ARHGAP21: variants seen among roughly 807,000 people sequenced by gnomAD.
ARHGAP21 encodes the protein rho GTPase-activating protein 21.
In ARHGAP21, 38 loss-of-function variants were observed where a neutral mutation model predicts 164.6. The observed-to-expected ratio is 0.23, with a 90% CI of 0.18 to 0.30. ARHGAP21 has a LOEUF of 0.30. Ranked by LOEUF, ARHGAP21 falls within the 10% of genes least tolerant of loss-of-function variation. The probability of loss-of-function intolerance (pLI) is 1.00; values close to 1 mark genes in which losing one functional copy is unlikely to be tolerated. For synonymous variants in ARHGAP21, 766 were observed against 857.9 expected, an observed-to-expected ratio of 0.89 and a Z score of 1.87; for missense variants, 1,822 against 2,370.7, an observed-to-expected ratio of 0.77 and a Z score of 4.81.
intron 7 of ARHGAP21, among the ~76,000 whole-genome samples, chr10:24,627,942 C>T (rs2131283962): frequency 6.6e-6 from 1 of 152,280 alleles, no homozygotes; most frequent in East Asian, 1.9e-4. Flanking sequence ...GTACCTTCAC[C>T]TTGGCAAGGA....
chr10:24,677,213 C>A (rs1368628969), intron 2 of ARHGAP21, among the ~76,000 whole-genome samples: 1 of 152,194 alleles, frequency 6.6e-6, no homozygotes. Context: ...GAGCGAGACT[C>A]CGACTCTAAA....
At chr10:24,604,813 A>G (rs1488868574) in intron 11 of ARHGAP21, among the ~76,000 whole-genome samples, 1 of 152,174 alleles carries the variant, frequency 6.6e-6, no homozygotes, top group Non-Finnish European at 1.5e-5. Context: ...GGGAGGGCAC[A>G]GTTACAGACA....
At chr10:24,592,156 A>T (rs1035456080) in intron 21 of ARHGAP21, 144 bp from the exon 22 acceptor site, 22 of 213,706 alleles carry the variant, frequency 1.0e-4, no homozygotes, top group Middle Eastern at 1.3e-3. Context: ...TTCTAGCAAG[A>T]TTTTTTTTTT....
chr10:24,628,982 A>ATATATATATTATTTTTTT (rs1565054862), intron 7 of ARHGAP21: 1 of 11,632 alleles, frequency 8.6e-5, no homozygotes, highest in Non-Finnish European at 1.2e-4. Flanking sequence ...ATATATATAT[A>ATATATATATTATTTTTTT]TTTTTTTTTT....
chr10:24,612,082 A>T (rs1424758697), intron 9 of ARHGAP21, among the ~76,000 whole-genome samples: 2 of 152,178 alleles, frequency 1.3e-5, no homozygotes, highest in Non-Finnish European at 2.9e-5. Flanking sequence ...GCATATAATT[A>T]ATGTACTTTA....
At chr10:24,601,092 A>G (rs1262865239) in intron 13 of ARHGAP21, among the ~76,000 whole-genome samples, 162 bp from the exon 14 acceptor site, 1 of 152,206 alleles carries the variant, frequency 6.6e-6, no homozygotes, top group African/African-American at 2.4e-5. Flanking sequence ...GAAGGATAAA[A>G]ATTGTGGAGC....
At chr10:24,712,522 T>C (rs749811110) in intron 2 of ARHGAP21, among the ~76,000 whole-genome samples, 6 of 152,294 alleles carry the variant, frequency 3.9e-5, no homozygotes, top group Non-Finnish European at 8.8e-5. Flanking sequence ...TTACAATACC[T>C]AATACAATGT....
intron 4 of ARHGAP21, among the ~76,000 whole-genome samples, chr10:24,648,306 G>A (rs1259258555): frequency 1.3e-5 from 2 of 152,206 alleles, no homozygotes; most frequent in Non-Finnish European, 1.5e-5. Flanking sequence ...AATATGAGTA[G>A]AATTTTCCAG....
chr10:24,722,590 T>A (rs896290556), intron 1 of ARHGAP21: 3 of 152,340 alleles, frequency 2.0e-5, no homozygotes, highest in Non-Finnish European at 4.4e-5. Flanking sequence ...GTTTTCTGCA[T>A]CACCCAGACA....
chr10:24,602,139 C>A, intron 12 of ARHGAP21, 36 bp from the exon 13 acceptor site: 1 of 1,578,490 alleles, frequency 6.3e-7, no homozygotes, highest in Admixed American at 1.9e-5. Flanking sequence ...AAAATGTCAG[C>A]ATTTTCCTTT....
In ARHGAP21 at chr10:24,598,962, T is replaced by G. The variant is rs1384079008; in HGVS notation, c.3133-953A>C. The stretch of plus-strand genomic sequence containing the variant: ...GTGATGATAATAGGACACATTCATA[T>G]GGTTGCTGAGATTAATGCATGTAGT... On this transcript the variant is annotated intron_variant, in intron 14 of 25. Transcript: ENST00000396432. 2.0e-5 allele frequency among the ~76,000 whole-genome samples: 3 copies of G among 152,228 alleles called. No homozygotes were observed. The East Asian group carries it at 5.8e-4, about 29-fold the overall frequency.
At chr10:24,685,783 G>A (rs549219535) in intron 2 of ARHGAP21, among the ~76,000 whole-genome samples, 9 of 152,152 alleles carry the variant, frequency 5.9e-5, no homozygotes, top group South Asian at 2.1e-4. Context: ...GGCTGAGGCA[G>A]GAGAATCGCT....
At chr10:24,649,189 T>A (rs1837908061) in intron 4 of ARHGAP21, among the ~76,000 whole-genome samples, 1 of 152,224 alleles carries the variant, frequency 6.6e-6, no homozygotes, top group African/African-American at 2.4e-5. Context: ...GACTTATCCA[T>A]GTACTAGCTA....
chr10:24,717,792 C>T (rs1051842384), intron 2 of ARHGAP21, among the ~76,000 whole-genome samples: 5 of 152,224 alleles, frequency 3.3e-5, no homozygotes, highest in South Asian at 2.1e-4. Context: ...TACAGTGGCG[C>T]GATTTTGGCT....
chr10:24,712,843 A>G (rs768370222), intron 2 of ARHGAP21, among the ~76,000 whole-genome samples: 3 of 152,202 alleles, frequency 2.0e-5, no homozygotes, highest in Non-Finnish European at 2.9e-5. Context: ...ACTAGCACAT[A>G]ATGTTTCCAG....
At chr10:24,652,917 C>A (rs1469940184) in intron 4 of ARHGAP21, among the ~76,000 whole-genome samples, 1 of 152,102 alleles carries the variant, frequency 6.6e-6, no homozygotes, top group East Asian at 1.9e-4. Flanking sequence ...GATATACATA[C>A]CCTCTAGAAA....
intron 4 of ARHGAP21, chr10:24,648,974 G>T: frequency 5.9e-6 from 3 of 511,852 alleles, no homozygotes; most frequent in Non-Finnish European, 7.5e-6. Context: ...AAATTAACTT[G>T]TTACTAGCTA....
chr10:24,615,810 T>C (rs892678481), intron 9 of ARHGAP21, among the ~76,000 whole-genome samples: 17 of 152,214 alleles, frequency 1.1e-4, no homozygotes, highest in Non-Finnish European at 2.4e-4. Flanking sequence ...CTCACTATTC[T>C]GTCGCCCAGG....
rs1834442800 is a variant in ARHGAP21 at position 24,620,591 on chromosome 10, A to G, written c.1304T>C (p.Leu435Ser). ...YNQVVPNRTT[L>S]QGRRRSTSHD... ...AGAGGTGCTTCGACGTCGTCCCTGC[A>G]AAGTAGTGCGGTTGGGGACGACCTG... is the stretch of plus-strand genomic sequence containing the variant. The change falls in exon 9 of 26, where the codon TTG becomes TCG. Residue 435 changes from leucine (L) to serine (S), a missense_variant. Around this residue, in one of 5 missense-constraint regions of ARHGAP21, gnomAD observed 1,090 missense variants for 1,378.9 expected, o/e 0.79. Coordinates refer to ENST00000396432, the MANE Select transcript of ARHGAP21 (RefSeq NM_020824.4). The G allele has an allele frequency of 6.2e-7, 1 of 1,614,216 alleles. No homozygotes were observed. Among genetic ancestry groups the G allele is most frequent in the Non-Finnish European group, 8.5e-7 (1 of 1,180,044 alleles).
Sources: allele counts gnomAD v4.1 joint callset (sites outside exome capture counted in the v4.1 genomes callset), GRCh38; gene constraint gnomAD v4.1.1; regional missense constraint gnomAD v4.1.1; transcripts MANE v1.5; gene names NCBI Gene and HGNC (gene_info 2026-07-23, HGNC 2026-07-21).